The following IGSF10 variants were observed in gnomAD, a reference collection of about 807,000 sequenced individuals.
IGSF10 encodes immunoglobulin superfamily member 10.
A neutral mutation model predicts 128.2 loss-of-function variants in IGSF10; 126 were observed. That is an observed-to-expected ratio of 0.98 (90% confidence interval 0.85 to 1.14). The LOEUF (loss-of-function observed/expected upper bound fraction) is 1.14, where lower values mean the gene tolerates loss of function less well. Among genes scored for constraint, IGSF10 ranks in the 50% most tolerant of loss-of-function variants. The probability of loss-of-function intolerance (pLI) is 0.00; values close to 1 mark genes in which losing one functional copy is unlikely to be tolerated. For synonymous variants in IGSF10, 1,185 were observed against 1,146.2 expected (o/e 1.03, Z -0.68); for missense variants, 3,295 against 3,149.8 (o/e 1.05, Z -1.10).
the IGSF10 span, among the ~76,000 whole-genome samples, chr3:151,601,769 C>A: frequency 6.6e-6 from 1 of 152,070 alleles, no homozygotes; most frequent in African/African-American, 2.4e-5. Flanking sequence ...TAATAGACAC[C>A]CCAGGAACAT....
the IGSF10 span, among the ~76,000 whole-genome samples, chr3:151,601,563 G>A: frequency 1.3e-5 from 2 of 152,164 alleles, no homozygotes; most frequent in Non-Finnish European, 2.9e-5. Context: ...TATGCTTGAT[G>A]ACTAGACTGC....
the IGSF10 span, among the ~76,000 whole-genome samples, chr3:151,503,988 T>G: frequency 1.3e-5 from 2 of 152,070 alleles, no homozygotes; most frequent in Non-Finnish European, 2.9e-5. Flanking sequence ...ACACCAACCT[T>G]AGGTTTTATA....
Position 151,438,513 on chromosome 3 carries a change from A to T in IGSF10, c.6048T>A (p.Cys2016Ter). ...VTEKDSGVYL[C>*]VARNKMGDDL... is the part of the protein sequence containing the mutation. ...CATCCCCCATTTTGTTTCTTGCCACACACAAGTAGACACCACTGTCTTTTT... is the reference window on the plus strand; with the variant it reads ...CATCCCCCATTTTGTTTCTTGCCACTCACAAGTAGACACCACTGTCTTTTT... The change falls in exon 8 of 8, where the codon TGT (cysteine) becomes TGA (stop). Residue 2016 changes from cysteine (C) to a stop codon, truncating the protein, a stop_gained. Coordinates refer to ENST00000282466, the MANE Select transcript of IGSF10 (RefSeq NM_178822.5). LOFTEE classifies it low-confidence loss of function (END_TRUNC). 6.2e-6 allele frequency: 10 copies of T among 1,614,076 alleles called. No individual in the cohort carries two copies. The highest frequency in any genetic ancestry group is 8.5e-6 in the Non-Finnish European group (10 of 1,180,028).
chr3:151,565,406 A>T, the IGSF10 span, among the ~76,000 whole-genome samples: 1 of 152,162 alleles, frequency 6.6e-6, no homozygotes, highest in Non-Finnish European at 1.5e-5. Context: ...TTGAGATGCC[A>T]TTATATACAG....
chr3:151,479,007 T>C, the IGSF10 span, among the ~76,000 whole-genome samples: 1 of 152,308 alleles, frequency 6.6e-6, no homozygotes, highest in African/African-American at 2.4e-5. Flanking sequence ...CTCAGGTAAA[T>C]AGTGTTTAAT....
chr3:151,527,607 A>G, the IGSF10 span, among the ~76,000 whole-genome samples: 4 of 152,146 alleles, frequency 2.6e-5, no homozygotes, highest in Non-Finnish European at 4.4e-5. Flanking sequence ...TTTCTAGTGT[A>G]AAAAAAGAAA....
At chr3:151,595,068 C>T in the IGSF10 span, among the ~76,000 whole-genome samples, 1 of 151,974 alleles carries the variant, frequency 6.6e-6, no homozygotes, top group African/African-American at 2.4e-5. Flanking sequence ...AATGAGATAA[C>T]GCCTCACACC....
Position 151,436,740 on chromosome 3 carries a change from T to TG in IGSF10, c.7820dup (p.Asn2609GlufsTer5). On this transcript the variant is annotated frameshift_variant, in exon 8 of 8. Transcript: ENST00000282466. LOFTEE classifies it high-confidence loss of function. ...CATAATCACTACCAAGTGGGTTCTT[T>TG]GCTGTGCATTTGTATATCCCAGAAT... The TG allele has an allele frequency of 6.2e-7, 1 of 1,614,164 alleles. No homozygotes were observed. The highest frequency in any genetic ancestry group is 1.3e-5 in the African/African-American group (1 of 75,068).
the IGSF10 span, among the ~76,000 whole-genome samples, chr3:151,467,914 A>G: frequency 2.6e-5 from 4 of 151,786 alleles, no homozygotes; most frequent in South Asian, 8.3e-4. Flanking sequence ...AAAGAAAAAA[A>G]GAAAGAAAAA....
chr3:151,558,319 G>A, the IGSF10 span, among the ~76,000 whole-genome samples: 2 of 151,544 alleles, frequency 1.3e-5, no homozygotes, highest in African/African-American at 2.4e-5. Context: ...CAAGTTCTTC[G>A]GGTTAATTCT....
At chr3:151,482,249 AT>A in the IGSF10 span, among the ~76,000 whole-genome samples, 3 of 152,226 alleles carry the variant, frequency 2.0e-5, no homozygotes, top group Non-Finnish European at 4.4e-5. Flanking sequence ...CAAAACAATG[AT>A]CTTAAGGAAA....
chr3:151,564,410 TTTCCTTCCTTCC>T, the IGSF10 span, among the ~76,000 whole-genome samples: 1 of 152,092 alleles, frequency 6.6e-6, no homozygotes, highest in Non-Finnish European at 1.5e-5. Context: ...TAAGAATTTA[TTTCCTTCCTTCC>T]TTCCTTCCTT....
At chr3:151,434,888 G>A (rs1235502990), downstream of IGSF10, 1 of 152,142 alleles carries the variant, frequency 6.6e-6, no homozygotes, top group Non-Finnish European at 1.5e-5. Context: ...AAGCTGTGGG[G>A]CATATCTTTT....
upstream of IGSF10, among the ~76,000 whole-genome samples, chr3:151,462,542 TAAGGTAC>T (rs80353188): frequency 0.025 from 3,747 of 152,272 alleles, 113 homozygotes; most frequent in East Asian, 0.12. Flanking sequence ...ATTTTACAAG[TAAGGTAC>T]ATGAAGGAAA....
At chr3:151,547,718 A>C in the IGSF10 span, among the ~76,000 whole-genome samples, 5 of 152,114 alleles carry the variant, frequency 3.3e-5, no homozygotes, top group Non-Finnish European at 4.4e-5. Flanking sequence ...CTTGGAGCAA[A>C]TCCATCAGTA....
the IGSF10 span, among the ~76,000 whole-genome samples, chr3:151,548,904 A>G: frequency 6.6e-6 from 1 of 151,546 alleles, no homozygotes; most frequent in Admixed American, 6.6e-5. Flanking sequence ...TTCTTGTCAT[A>G]GTTTTAATTT....
the IGSF10 span, among the ~76,000 whole-genome samples, chr3:151,495,890 C>T: frequency 6.6e-6 from 1 of 152,064 alleles, no homozygotes; most frequent in Non-Finnish European, 1.5e-5. Flanking sequence ...ATAGGATCAA[C>T]CATGTTTCAT....
the IGSF10 span, among the ~76,000 whole-genome samples, chr3:151,513,435 A>T: frequency 2.0e-5 from 3 of 152,282 alleles, no homozygotes; most frequent in East Asian, 5.8e-4. Flanking sequence ...CAGGCTAAAA[A>T]CTCTCAATAA....
chr3:151,445,678 T>C lies in IGSF10; in HGVS notation c.4303A>G (p.Thr1435Ala), dbSNP rs1314830828. The change falls in exon 6 of 8, where the codon ACA (threonine) becomes GCA (alanine). Residue 1435 changes from threonine (T) to alanine (A), a missense_variant. Thr to Ala is a moderately conservative substitution (Grantham distance 58, BLOSUM62 0). Coordinates refer to ENST00000282466, the MANE Select transcript of IGSF10 (RefSeq NM_178822.5). ...AQASTQTLKS[T>A]IASETTLSSK... ...GACAAAGTTGTTTCAGAAGCAATTG[T>C]GCTCTTCAAAGTCTGAGTACTTGCT... The C allele has an allele frequency of 1.9e-6, 3 of 1,614,244 alleles. No individual in the cohort carries two copies. The South Asian group carries it at 3.3e-5, about 18-fold the overall frequency.
Sources: allele counts gnomAD v4.1 joint callset (sites outside exome capture counted in the v4.1 genomes callset), GRCh38; gene constraint gnomAD v4.1.1; transcripts MANE v1.5; gene names NCBI Gene and HGNC (gene_info 2026-07-23, HGNC 2026-07-21).